Variants in PPARGC1A observed in about 807,000 individuals in gnomAD.
PPARGC1A encodes peroxisome proliferator-activated receptor gamma coactivator 1-alpha.
A neutral mutation model predicts 88.7 loss-of-function variants in PPARGC1A; 25 were observed. The observed-to-expected ratio is 0.28, with a 90% confidence interval of 0.21 to 0.39. The LOEUF is 0.39. Ranked by LOEUF, PPARGC1A falls within the 10% of genes least tolerant of loss-of-function variation. PPARGC1A has a pLI of 1.00. For missense variants in PPARGC1A, 880 were observed against 968.7 expected, an observed-to-expected ratio of 0.91 and a Z score of 1.22; for synonymous variants, 363 against 355.6, an observed-to-expected ratio of 1.02 and a Z score of -0.24.
intron 2 of PPARGC1A, among the ~76,000 whole-genome samples, chr4:23,835,831 T>G (rs1028034164): frequency 6.6e-6 from 1 of 152,142 alleles, no homozygotes; most frequent in Non-Finnish European, 1.5e-5. Flanking sequence ...TTTCAATTAG[T>G]TTAGCATGAG....
chr4:23,929,851 C>T, the PPARGC1A span, among the ~76,000 whole-genome samples: 66 of 152,280 alleles, frequency 4.3e-4, 1 homozygote, highest in African/African-American at 1.4e-3. Context: ...GCATTCATTG[C>T]GCCCTAGGCT....
chr4:23,798,790 A>G (rs146129915), intron 12 of PPARGC1A, among the ~76,000 whole-genome samples: 4 of 152,206 alleles, frequency 2.6e-5, no homozygotes, highest in Admixed American at 6.5e-5. Flanking sequence ...CACACAGACT[A>G]CTGATTCATG....
At chr4:24,294,664 A>G in the PPARGC1A span, among the ~76,000 whole-genome samples, 160 of 152,330 alleles carry the variant, frequency 1.1e-3, 1 homozygote, top group African/African-American at 3.7e-3. Flanking sequence ...CTGAGCATCC[A>G]CATGAGTCTC....
At chr4:23,826,136 T>C (rs149523633) in intron 5 of PPARGC1A, among the ~76,000 whole-genome samples, 3 of 152,050 alleles carry the variant, frequency 2.0e-5, no homozygotes, top group Non-Finnish European at 2.9e-5. Context: ...TCAAAGTCAA[T>C]GAAAGGAGAG....
the PPARGC1A span, among the ~76,000 whole-genome samples, chr4:24,358,118 A>AT: frequency 1.3e-5 from 2 of 152,168 alleles, no homozygotes; most frequent in African/African-American, 4.8e-5. Context: ...AGCAGGTGTT[A>AT]TTATCTCCAT....
chr4:24,419,917 C>T, the PPARGC1A span, among the ~76,000 whole-genome samples: 1 of 152,132 alleles, frequency 6.6e-6, no homozygotes, highest in African/African-American at 2.4e-5. Context: ...TCCAGGCAAC[C>T]TTGTGTATTT....
chr4:24,354,845 C>T, the PPARGC1A span, among the ~76,000 whole-genome samples: 1 of 152,016 alleles, frequency 6.6e-6, no homozygotes, highest in Non-Finnish European at 1.5e-5. Context: ...CAAGATCACG[C>T]GACTGCACTC....
chr4:23,987,337 C>A, the PPARGC1A span, among the ~76,000 whole-genome samples: 5 of 151,982 alleles, frequency 3.3e-5, no homozygotes, highest in Non-Finnish European at 7.4e-5. Context: ...AGATCCAAAC[C>A]TTTGCATGCA....
At chr4:23,849,597 G>C (rs1728916706) in intron 2 of PPARGC1A, among the ~76,000 whole-genome samples, 1 of 151,974 alleles carries the variant, frequency 6.6e-6, no homozygotes, top group Non-Finnish European at 1.5e-5. Context: ...AAGATGATAA[G>C]GGAAGAAAAA....
the PPARGC1A span, among the ~76,000 whole-genome samples, chr4:24,077,407 TATTCCC>T: frequency 2.6e-5 from 4 of 152,126 alleles, no homozygotes; most frequent in African/African-American, 9.7e-5. Context: ...TCCATTATTT[TATTCCC>T]ATGGCAATGG....
the PPARGC1A span, among the ~76,000 whole-genome samples, chr4:24,251,789 C>T: frequency 5.0e-3 from 764 of 152,210 alleles, 4 homozygotes; most frequent in Non-Finnish European, 9.0e-3. Context: ...TGTGAATATC[C>T]CATTAAGCCA....
intron 2 of PPARGC1A, among the ~76,000 whole-genome samples, chr4:23,869,032 C>T (rs1009506569): frequency 6.6e-6 from 1 of 152,144 alleles, no homozygotes; most frequent in African/African-American, 2.4e-5. Context: ...GGCAGCCAGC[C>T]TTGCACACAG....
the PPARGC1A span, among the ~76,000 whole-genome samples, chr4:24,017,261 C>A: frequency 1.2e-4 from 19 of 152,204 alleles, no homozygotes; most frequent in African/African-American, 3.4e-4. Context: ...AAGAAAAAAA[C>A]CAGGTAACCA....
chr4:23,821,779 T>C (rs1025852737), intron 7 of PPARGC1A, among the ~76,000 whole-genome samples: 1 of 151,924 alleles, frequency 6.6e-6, no homozygotes, highest in African/African-American at 2.4e-5. Context: ...ATCCTAGTCT[T>C]TCAGAGGTTA....
chr4:24,410,732 C>CGAA, the PPARGC1A span, among the ~76,000 whole-genome samples: 1 of 152,154 alleles, frequency 6.6e-6, no homozygotes, highest in East Asian at 1.9e-4. Flanking sequence ...AGTCTTCCAG[C>CGAA]CTCCATCTTT....
chr4:24,023,790 C>A, the PPARGC1A span, among the ~76,000 whole-genome samples: 3 of 151,938 alleles, frequency 2.0e-5, no homozygotes, highest in African/African-American at 4.8e-5. Flanking sequence ...CATTAATAAC[C>A]CCCAAACACT....
chr4:24,270,343 G>GTA, the PPARGC1A span, among the ~76,000 whole-genome samples: 1 of 144,696 alleles, frequency 6.9e-6, no homozygotes, highest in Non-Finnish European at 1.5e-5. Context: ...CTGTGTGTGT[G>GTA]TGTGTGTGTG....
chr4:24,467,266 A>T, the PPARGC1A span, among the ~76,000 whole-genome samples: 5 of 152,208 alleles, frequency 3.3e-5, no homozygotes, highest in African/African-American at 1.2e-4. Context: ...AATTGGAGTT[A>T]TGTGAAAAGT....
the PPARGC1A span, among the ~76,000 whole-genome samples, chr4:24,017,063 G>A: frequency 5.9e-5 from 9 of 152,260 alleles, no homozygotes; most frequent in African/African-American, 1.4e-4. Flanking sequence ...ATCCCAAGGC[G>A]TGAGGGCAGA....
Sources: allele counts gnomAD v4.1 joint callset (sites outside exome capture counted in the v4.1 genomes callset), GRCh38; gene constraint gnomAD v4.1.1; transcripts MANE v1.5; gene names NCBI Gene and HGNC (gene_info 2026-07-23, HGNC 2026-07-21).